The following NCOA7 variants were observed in gnomAD, a reference collection of about 807,000 sequenced individuals.
NCOA7 encodes the protein nuclear receptor coactivator 7.
A neutral mutation model predicts 104.3 loss-of-function variants in NCOA7; 45 were observed. The observed-to-expected ratio is 0.43, with a 90% confidence interval of 0.34 to 0.55. NCOA7 has a LOEUF of 0.55. Ranked by LOEUF, NCOA7 falls within the 20% of genes least tolerant of loss-of-function variation. The pLI is 0.02. For missense variants in NCOA7, 1,041 were observed against 1,119.7 expected (o/e 0.93, Z 1.00); for synonymous variants, 398 against 402.3 (o/e 0.99, Z 0.13).
At chr6:125,808,535 G>A (rs996988765) in intron 1 of NCOA7, among the ~76,000 whole-genome samples, 27 of 152,070 alleles carry the variant, frequency 1.8e-4, no homozygotes, top group Non-Finnish European at 2.9e-5. Flanking sequence ...CTGAATTGTT[G>A]GCTTTGTGGG....
Position 125,865,024 on chromosome 6 carries a change from AAG to A in NCOA7, c.271+9786_271+9787del, listed in dbSNP as rs1208214411. On this transcript the variant is annotated intron_variant, in intron 3 of 15. Coordinates refer to ENST00000392477, the MANE Select transcript of NCOA7 (RefSeq NM_181782.5). ...AACATCAGACACGAGGAAGAGCAGAAAGAACTATTTTCCATGAATGTCTCCTT... is the reference window on the plus strand; with the variant it reads ...AACATCAGACACGAGGAAGAGCAGAAAACTATTTTCCATGAATGTCTCCTT... Among the ~76,000 whole-genome samples, 13 of 138,452 alleles carry A rather than the reference AAG, an allele frequency of 9.4e-5. 3 individuals are homozygous for A. 90.8% of individuals were successfully genotyped at this position (138,452 alleles called of 152,430 possible). A position where few individuals can be genotyped will look rare whatever the true frequency, so the allele number is the denominator to read the frequency against.
At chr6:125,913,346 C>T (rs1786764219) in intron 10 of NCOA7, among the ~76,000 whole-genome samples, 1 of 152,144 alleles carries the variant, frequency 6.6e-6, no homozygotes, top group Non-Finnish European at 1.5e-5. Flanking sequence ...GTGATTTTCT[C>T]TTAAGGCCTT....
At chr6:125,833,770 G>A (rs1464561725) in intron 2 of NCOA7, among the ~76,000 whole-genome samples, 3 of 152,210 alleles carry the variant, frequency 2.0e-5, no homozygotes, top group South Asian at 4.2e-4. Context: ...AATAAAAGGA[G>A]TCAGGTTGCT....
intron 10 of NCOA7, chr6:125,913,589 T>C (rs1417995338): frequency 1.2e-6 from 1 of 861,660 alleles, no homozygotes. Context: ...ATAGAAATGG[T>C]AACATGTCAT....
chr6:125,862,330 C>G lies in NCOA7; in HGVS notation c.271+7090C>G, dbSNP rs1158578259. On this transcript the variant is annotated intron_variant, in intron 3 of 15. Coordinates refer to ENST00000392477, the MANE Select transcript of NCOA7 (RefSeq NM_181782.5). ...CATGAATAAATGATAAAGAGATGAT[C>G]TTTTTAAAACATTATCTACAAAGGA... Among the ~76,000 whole-genome samples, 11 of 137,626 alleles carry G rather than the reference C, an allele frequency of 8.0e-5. 3 individuals carry two copies. The East Asian group carries it at 2.3e-3, about 29-fold the overall frequency. The allele number at this position is 137,626 out of a possible 152,430, so 90.3% of individuals were successfully genotyped here.
At chr6:125,838,056 C>T (rs1213739939) in intron 2 of NCOA7, among the ~76,000 whole-genome samples, 3 of 152,196 alleles carry the variant, frequency 2.0e-5, no homozygotes, top group African/African-American at 7.2e-5. Context: ...AAAACTTCCC[C>T]TTCACCCTCT....
intron 3 of NCOA7, among the ~76,000 whole-genome samples, chr6:125,873,518 A>G (rs1783105825): frequency 6.6e-6 from 1 of 152,188 alleles, no homozygotes; most frequent in Non-Finnish European, 1.5e-5. Context: ...GCTGGAATCT[A>G]ATTGCTCTGG....
intron 2 of NCOA7, among the ~76,000 whole-genome samples, chr6:125,834,757 C>T (rs1391032101): frequency 1.3e-5 from 2 of 152,078 alleles, no homozygotes; most frequent in East Asian, 3.8e-4. Flanking sequence ...TTGAAGATGC[C>T]CTGAATATAC....
intron 6 of NCOA7, among the ~76,000 whole-genome samples, chr6:125,882,154 CATTTAG>C (rs1562971506): frequency 6.6e-6 from 1 of 151,930 alleles, no homozygotes; most frequent in East Asian, 1.9e-4. Context: ...ACACCCAGCC[CATTTAG>C]GTTAGTTTCT....
intron 2 of NCOA7, among the ~76,000 whole-genome samples, chr6:125,826,295 C>T (rs1778649895): frequency 6.6e-6 from 1 of 150,706 alleles, no homozygotes; most frequent in Non-Finnish European, 1.5e-5. Flanking sequence ...TCCACCACTG[C>T]ACGCCAGCCT....
chr6:125,836,759 A>C (rs1000423363), intron 2 of NCOA7, among the ~76,000 whole-genome samples: 1 of 152,240 alleles, frequency 6.6e-6, no homozygotes, highest in Non-Finnish European at 1.5e-5. Flanking sequence ...GTACACATCT[A>C]TGAGAAATTA....
chr6:125,798,466 C>T (rs534987878), intron 1 of NCOA7, among the ~76,000 whole-genome samples: 2 of 152,160 alleles, frequency 1.3e-5, no homozygotes, highest in South Asian at 2.1e-4. Flanking sequence ...AAGCAACTAT[C>T]TAAGTATTAG....
chr6:125,839,423 C>T (rs1562876171), intron 2 of NCOA7, among the ~76,000 whole-genome samples: 4 of 151,094 alleles, frequency 2.6e-5, no homozygotes, highest in African/African-American at 9.9e-5. Flanking sequence ...AGGCCTAGGC[C>T]TTAGTGATTT....
chr6:125,811,013 A>C (rs563882891), intron 1 of NCOA7, among the ~76,000 whole-genome samples: 63 of 152,348 alleles, frequency 4.1e-4, no homozygotes, highest in African/African-American at 1.5e-3. Context: ...TGCAGTATAA[A>C]AATTTTCCAA....
intron 10 of NCOA7, among the ~76,000 whole-genome samples, chr6:125,900,386 C>T (rs947023053): frequency 9.9e-5 from 15 of 152,188 alleles, no homozygotes; most frequent in East Asian, 1.9e-4. Flanking sequence ...TAAACTTTTA[C>T]GTTTTTATTC....
At chr6:125,828,925 C>T (rs910673380) in intron 2 of NCOA7, among the ~76,000 whole-genome samples, 2 of 152,104 alleles carry the variant, frequency 1.3e-5, no homozygotes, top group Non-Finnish European at 2.9e-5. Flanking sequence ...AGTTCCATAG[C>T]TAGCAAATAA....
In NCOA7 at chr6:125,928,227, T is replaced by A. The variant is rs771716702; in HGVS notation, c.2673T>A (p.Ser891=). The change falls in exon 15 of 16, where the codon TCT becomes TCA. Residue 891 remains serine (S), a synonymous_variant. Coordinates refer to ENST00000392477, the MANE Select transcript of NCOA7 (RefSeq NM_181782.5). The part of the protein sequence containing the change: ...NSYFINGDIS[S]LELGGGGGRF... ...ACTTTATCAATGGAGACATAAGTTCTTTAGAACTTGGTGGTGGAGGGTAAG... is the reference window on the plus strand; with the variant it reads ...ACTTTATCAATGGAGACATAAGTTCATTAGAACTTGGTGGTGGAGGGTAAG... 1.9e-6 allele frequency: 3 copies of A among 1,612,452 alleles called. No homozygotes were observed. The East Asian group carries it at 6.7e-5, about 36-fold the overall frequency.
intron 7 of NCOA7, among the ~76,000 whole-genome samples, chr6:125,883,559 A>G (rs1317887136): frequency 6.6e-6 from 1 of 151,588 alleles, no homozygotes; most frequent in Non-Finnish European, 1.5e-5. Flanking sequence ...CTTCCCTGCC[A>G]CCCTCATCTC....
chr6:125,908,639 A>G (rs757637735), intron 10 of NCOA7, among the ~76,000 whole-genome samples: 3 of 151,982 alleles, frequency 2.0e-5, no homozygotes, highest in Non-Finnish European at 4.4e-5. Flanking sequence ...CTGACCTACT[A>G]CCCCATCCAC....
Sources: gnomAD v4.1 joint callset for allele counts (sites outside exome capture counted in the v4.1 genomes callset) on GRCh38, gnomAD v4.1.1 for gene constraint, MANE v1.5 for transcripts, NCBI Gene and HGNC (gene_info 2026-07-23, HGNC 2026-07-21) for gene names.